Variants in CSMD1 observed in about 807,000 individuals in gnomAD.
CSMD1 encodes the protein CUB and Sushi multiple domains 1.
CSMD1 carries 213 observed loss-of-function variants against 417.5 expected under a neutral mutation model. The observed-to-expected ratio is 0.51, with a 90% CI of 0.46 to 0.57. The LOEUF (loss-of-function observed/expected upper bound fraction) is 0.57. Ranked by LOEUF, CSMD1 falls within the 20% of genes least tolerant of loss-of-function variation. CSMD1 has a pLI of 0.00. For missense variants in CSMD1, 6,923 were observed against 4,529.7 expected (o/e 1.53, Z -15.17); for synonymous variants, 2,862 against 1,736.8 (o/e 1.65, Z -16.11).
intron 5 of CSMD1, among the ~76,000 whole-genome samples, chr8:3,906,399 T>A (rs1428320656): frequency 6.6e-6 from 1 of 152,182 alleles, no homozygotes; most frequent in African/African-American, 2.4e-5. Flanking sequence ...AAAAATGTAA[T>A]CTGTTTTTAA....
At chr8:4,173,124 A>G (rs775774599) in intron 3 of CSMD1, among the ~76,000 whole-genome samples, 3 of 152,184 alleles carry the variant, frequency 2.0e-5, no homozygotes, top group Non-Finnish European at 4.4e-5. Flanking sequence ...AAGTAACTAT[A>G]CAGTGCAACA....
At chr8:4,953,761 A>C (rs1469124973) in intron 1 of CSMD1, among the ~76,000 whole-genome samples, 1 of 152,168 alleles carries the variant, frequency 6.6e-6, no homozygotes, top group Non-Finnish European at 1.5e-5. Context: ...GTCTTTCTGC[A>C]AGGCTAATTC....
rs553553728 is a variant in CSMD1, at chr8:4,416,192, G to T, written c.415+3761C>A. On this transcript the variant is annotated intron_variant, in intron 3 of 69. Transcript: ENST00000635120. ...CTAGTTAATAAATACCGGAGTCACT[G>T]TTTTGATTCAGAGCTGCTGCTTTCT... Among the ~76,000 whole-genome samples, 6 of 152,260 alleles carry T rather than the reference G, an allele frequency of 3.9e-5. No homozygotes were observed. In the East Asian group the frequency reaches 1.2e-3, roughly 29 times the overall value.
chr8:4,782,640 G>A (rs991167612), intron 1 of CSMD1, among the ~76,000 whole-genome samples: 5 of 152,016 alleles, frequency 3.3e-5, no homozygotes, highest in Admixed American at 2.6e-4. Context: ...ATTTTTTACT[G>A]TATATTTTTG....
chr8:3,555,044 C>A (rs534552700), intron 10 of CSMD1, among the ~76,000 whole-genome samples: 64 of 152,116 alleles, frequency 4.2e-4, no homozygotes, highest in African/African-American at 1.4e-3. Context: ...AGGAGTCCTC[C>A]GCCAGGGAAG....
intron 12 of CSMD1, among the ~76,000 whole-genome samples, chr8:3,443,112 T>C (rs1815093728): frequency 6.6e-6 from 1 of 152,234 alleles, no homozygotes. Flanking sequence ...ATGATGCCTT[T>C]TCTAGCAGAC....
intron 1 of CSMD1, among the ~76,000 whole-genome samples, chr8:4,964,724 TG>T (rs1297210771): frequency 6.6e-6 from 1 of 151,802 alleles, no homozygotes; most frequent in Non-Finnish European, 1.5e-5. Flanking sequence ...TAAGCCAAAC[TG>T]AAAAAAAATG....
At chr8:3,250,184 G>A (rs184156811) in intron 26 of CSMD1, among the ~76,000 whole-genome samples, 2 of 152,176 alleles carry the variant, frequency 1.3e-5, no homozygotes, top group African/African-American at 4.8e-5. Context: ...CATTAGGTAT[G>A]TCTCCAAATA....
At chr8:3,904,207 G>C (rs1807956016) in intron 5 of CSMD1, among the ~76,000 whole-genome samples, 2 of 152,140 alleles carry the variant, frequency 1.3e-5, no homozygotes, top group African/African-American at 4.8e-5. Flanking sequence ...TCATTCTGAA[G>C]TAACTTATGG....
intron 57 of CSMD1, among the ~76,000 whole-genome samples, chr8:2,971,470 C>T (rs1804452559): frequency 6.6e-6 from 1 of 152,156 alleles, no homozygotes; most frequent in African/African-American, 2.4e-5. Context: ...ATTGCTGCTG[C>T]TTCAGGACTC....
intron 5 of CSMD1, among the ~76,000 whole-genome samples, chr8:3,849,720 G>C (rs1023354045): frequency 1.3e-5 from 2 of 152,182 alleles, no homozygotes; most frequent in South Asian, 4.1e-4. Context: ...GAAACACAGG[G>C]TGTAAACTCA....
intron 3 of CSMD1, among the ~76,000 whole-genome samples, chr8:4,158,525 G>A (rs941866058): frequency 6.6e-6 from 1 of 152,098 alleles, no homozygotes; most frequent in Non-Finnish European, 1.5e-5. Flanking sequence ...CAAAGAAACA[G>A]TAATATTAAC....
chr8:3,991,743 A>C (rs1460096642), intron 5 of CSMD1, among the ~76,000 whole-genome samples: 1 of 152,116 alleles, frequency 6.6e-6, no homozygotes, highest in Non-Finnish European at 1.5e-5. Flanking sequence ...ATTAGCGATG[A>C]AATGTGGTCT....
At chr8:4,421,878 G>C (rs927713047) in intron 2 of CSMD1, among the ~76,000 whole-genome samples, 4 of 151,844 alleles carry the variant, frequency 2.6e-5, no homozygotes, top group Non-Finnish European at 5.9e-5. Context: ...GAAAGAGCCA[G>C]TTCTTTGGGA....
chr8:4,101,981 T>C (rs1444702147), intron 3 of CSMD1, among the ~76,000 whole-genome samples: 1 of 152,206 alleles, frequency 6.6e-6, no homozygotes, highest in African/African-American at 2.4e-5. Flanking sequence ...TCCCATGGTG[T>C]TGGGGACTGG....
chr8:4,640,706 T>C (rs1160847789), intron 1 of CSMD1, among the ~76,000 whole-genome samples: 2 of 152,110 alleles, frequency 1.3e-5, no homozygotes, highest in Non-Finnish European at 2.9e-5. Flanking sequence ...AACATAACCA[T>C]ATTTCAACAT....
chr8:3,308,051 C>CATGTGATAATTCTAATAAT (rs11268389), intron 24 of CSMD1, among the ~76,000 whole-genome samples: 4 of 141,434 alleles, frequency 2.8e-5, no homozygotes, highest in Admixed American at 6.8e-5. Flanking sequence ...ATAAGACACT[C>CATGTGATAATTCTAATAAT]ATGTGATAAT....
At chr8:4,908,324 G>C (rs1449674126) in intron 1 of CSMD1, among the ~76,000 whole-genome samples, 2 of 152,112 alleles carry the variant, frequency 1.3e-5, no homozygotes, top group Non-Finnish European at 2.9e-5. Flanking sequence ...ATATGATATA[G>C]GTAGGTGTAG....
intron 1 of CSMD1, among the ~76,000 whole-genome samples, chr8:4,771,367 C>T (rs1796588736): frequency 2.0e-5 from 3 of 152,214 alleles, no homozygotes; most frequent in Admixed American, 2.0e-4. Flanking sequence ...GCTTTGGGCC[C>T]TCTTCAGGGA....
Sources: gnomAD v4.1 joint callset for allele counts (sites outside exome capture counted in the v4.1 genomes callset) on GRCh38, gnomAD v4.1.1 for gene constraint, MANE v1.5 for transcripts, NCBI Gene and HGNC (gene_info 2026-07-23, HGNC 2026-07-21) for gene names.